The following SLC10A7 variants were observed in gnomAD, a reference collection of about 807,000 sequenced individuals.
The protein encoded by SLC10A7 is solute carrier family 10 member 7.
SLC10A7 carries 29 observed loss-of-function variants against 43.2 expected under a neutral mutation model. The ratio of observed to expected loss-of-function variants is 0.67; its 90% CI spans 0.50 to 0.92. SLC10A7 has a LOEUF of 0.92. Ranked by LOEUF, SLC10A7 falls within the 40% of genes least tolerant of loss-of-function variation. SLC10A7 has a pLI of 0.00. For missense variants in SLC10A7, 295 were observed against 403.2 expected, an observed-to-expected ratio of 0.73 and a Z score of 2.30; for synonymous variants, 152 against 144.8, an observed-to-expected ratio of 1.05 and a Z score of -0.35.
At chr4:146,463,976 C>A (rs1171839325) in intron 4 of SLC10A7, among the ~76,000 whole-genome samples, 1 of 151,830 alleles carries the variant, frequency 6.6e-6, no homozygotes, top group African/African-American at 2.4e-5. Context: ...GTATGTGCCA[C>A]CATACCTAGC....
At chr4:146,492,205 G>A (rs912910827) in intron 4 of SLC10A7, among the ~76,000 whole-genome samples, 4 of 151,264 alleles carry the variant, frequency 2.6e-5, no homozygotes, top group Non-Finnish European at 5.9e-5. Flanking sequence ...GGGCGACAGA[G>A]CGAGTCTCTG....
At chr4:146,364,124 G>A (rs1021907004) in intron 5 of SLC10A7, among the ~76,000 whole-genome samples, 2 of 122,766 alleles carry the variant, frequency 1.6e-5, no homozygotes, top group Admixed American at 1.8e-4. Flanking sequence ...GAAAAAAAGA[G>A]AGAAGACCAA....
At chr4:146,324,267 C>A (rs1259145783) in intron 6 of SLC10A7, among the ~76,000 whole-genome samples, 3 of 152,112 alleles carry the variant, frequency 2.0e-5, no homozygotes, top group African/African-American at 4.8e-5. Context: ...TTTGTAGATT[C>A]AATGCCATCC....
At chr4:146,365,429 G>A (rs182406290) in intron 5 of SLC10A7, among the ~76,000 whole-genome samples, 1 of 152,272 alleles carries the variant, frequency 6.6e-6, no homozygotes, top group African/African-American at 2.4e-5. Context: ...GTTGATAGTA[G>A]CTGACTTTAT....
chr4:146,425,892 AT>A (rs1170445213), intron 5 of SLC10A7, among the ~76,000 whole-genome samples: 2 of 152,212 alleles, frequency 1.3e-5, no homozygotes, highest in African/African-American at 4.8e-5. Context: ...ACACTTGAGA[AT>A]TACCTCCCTA....
chr4:146,358,942 G>T (rs1404262989), intron 5 of SLC10A7, among the ~76,000 whole-genome samples: 1 of 152,102 alleles, frequency 6.6e-6, no homozygotes, highest in Non-Finnish European at 1.5e-5. Context: ...ATTAGTAGAT[G>T]CAGCCAAACA....
chr4:146,451,231 C>CAAAAAAAAAAAA (rs572993886), intron 4 of SLC10A7, among the ~76,000 whole-genome samples: 9 of 71,690 alleles, frequency 1.3e-4, no homozygotes, highest in African/African-American at 2.1e-4. Context: ...AGTCTCCCAC[C>CAAAAAAAAAAAA]AAAAAAAAAA....
At chr4:146,294,164 T>C (rs911119111) in intron 7 of SLC10A7, 69 bp from the exon 8 acceptor site, 54 of 1,243,918 alleles carry the variant, frequency 4.3e-5, no homozygotes, top group Non-Finnish European at 5.8e-5. Flanking sequence ...CATCACAAAG[T>C]GATTCTGACA....
chr4:146,353,100 T>C (rs1735262360), intron 5 of SLC10A7, among the ~76,000 whole-genome samples: 1 of 149,536 alleles, frequency 6.7e-6, no homozygotes, highest in Non-Finnish European at 1.5e-5. Context: ...ATCCAGGAGC[T>C]GGTTTTTTGA....
At chr4:146,273,382 G>C (rs1178819280) in intron 10 of SLC10A7, among the ~76,000 whole-genome samples, 1 of 152,062 alleles carries the variant, frequency 6.6e-6, no homozygotes, top group Non-Finnish European at 1.5e-5. Flanking sequence ...AAAGGACGTG[G>C]GCTTTGAAAT....
chr4:146,498,723 A>G (rs1167904827), intron 4 of SLC10A7, among the ~76,000 whole-genome samples: 1 of 152,242 alleles, frequency 6.6e-6, no homozygotes, highest in East Asian at 1.9e-4. Context: ...CGGTGTATAT[A>G]CATTGCTATG....
intron 3 of SLC10A7, among the ~76,000 whole-genome samples, chr4:146,504,929 A>C (rs1180921847): frequency 6.6e-6 from 1 of 152,246 alleles, no homozygotes; most frequent in Non-Finnish European, 1.5e-5. Flanking sequence ...ACAGAAAATA[A>C]ATTGCATAAC....
At chr4:146,495,846 C>T (rs1366807625) in intron 4 of SLC10A7, among the ~76,000 whole-genome samples, 2 of 151,470 alleles carry the variant, frequency 1.3e-5, no homozygotes, top group African/African-American at 4.9e-5. Context: ...TTCTTCTATA[C>T]CCCAAATCAA....
chr4:146,271,018 T>C (rs1306362909), intron 10 of SLC10A7, among the ~76,000 whole-genome samples: 2 of 152,180 alleles, frequency 1.3e-5, no homozygotes, highest in African/African-American at 2.4e-5. Context: ...GTCTGGCTGA[T>C]TTAGACTTTC....
At chr4:146,341,898 C>T (rs558701146) in intron 5 of SLC10A7, among the ~76,000 whole-genome samples, 1 of 151,692 alleles carries the variant, frequency 6.6e-6, no homozygotes, top group South Asian at 2.1e-4. Flanking sequence ...CGGCCTTAAA[C>T]AAAGTTATAC....
intron 9 of SLC10A7, among the ~76,000 whole-genome samples, chr4:146,286,579 C>A (rs544672647): frequency 7.4e-5 from 5 of 67,726 alleles, no homozygotes; most frequent in African/African-American, 3.4e-4. Flanking sequence ...TGAGAAGGAC[C>A]GAGTCTGGAG....
intron 5 of SLC10A7, among the ~76,000 whole-genome samples, chr4:146,407,527 A>G (rs1727817392): frequency 6.6e-6 from 1 of 152,186 alleles, no homozygotes; most frequent in Non-Finnish European, 1.5e-5. Flanking sequence ...CTGAACAACC[A>G]TTTCCCCCAC....
chr4:146,329,025 T>C lies in SLC10A7; in HGVS notation c.436-3029A>G, dbSNP rs184784970. ...ACATAATGATACTAAAGAAAATCAG[T>C]GAGATAGAAAAGTGTTGTTATCCAC... is the stretch of plus-strand genomic sequence containing the variant. On this transcript the variant is annotated intron_variant, in intron 5 of 11. Transcript: ENST00000335472. Among the ~76,000 whole-genome samples, 33 of 152,302 alleles carry C rather than the reference T, an allele frequency of 2.2e-4. 1 individual carries two copies. The highest frequency in any genetic ancestry group is 7.5e-4 in the African/African-American group (31 of 41,578).
At chr4:146,338,262 A>G (rs1734023308) in intron 5 of SLC10A7, among the ~76,000 whole-genome samples, 1 of 152,006 alleles carries the variant, frequency 6.6e-6, no homozygotes, top group Non-Finnish European at 1.5e-5. Context: ...ACTAGTTGAC[A>G]TTTATTGAAT....
Sources: allele counts gnomAD v4.1 joint callset (sites outside exome capture counted in the v4.1 genomes callset), GRCh38; gene constraint gnomAD v4.1.1; transcripts MANE v1.5; gene names NCBI Gene and HGNC (gene_info 2026-07-23, HGNC 2026-07-21).